The following INVS variants were observed in gnomAD, a reference collection of about 807,000 sequenced individuals.
INVS encodes the protein inversion of embryo turning homolog.
INVS carries 86 observed loss-of-function variants against 108.8 expected under a neutral mutation model. That is an observed-to-expected ratio of 0.79 (90% CI 0.66 to 0.95). INVS has a LOEUF of 0.95. INVS is among the 40% of genes least tolerant of loss of function. INVS has a pLI of 0.00. For missense variants in INVS, 1,169 were observed against 1,297.4 expected (o/e 0.90, Z 1.52); for synonymous variants, 455 against 473.5 (o/e 0.96, Z 0.51).
intron 3 of INVS, among the ~76,000 whole-genome samples, chr9:100,197,894 G>T (rs1367380240): frequency 6.6e-6 from 1 of 152,202 alleles, no homozygotes; most frequent in East Asian, 1.9e-4. Flanking sequence ...GCCTGCCTTG[G>T]GGAGAAAAAG....
At chr9:100,104,476 A>G (rs931840557) in intron 1 of INVS, 22 bp from the exon 2 acceptor site, 1 of 1,328,866 alleles carries the variant, frequency 7.5e-7, no homozygotes, top group African/African-American at 1.4e-5. Context: ...GCATGCGCTC[A>G]TTGTCTGAAT....
Position 100,223,978 on chromosome 9 carries a change from GGAA to G in INVS, c.274-2074_274-2072del, listed in dbSNP as rs1483246762. ...TCTTTTGGCTTCCCTGGGCCACACT[GGAA>G]GAAGAAGAATTGTCTTCGGCCATAC... On this transcript the variant is annotated intron_variant, in intron 3 of 16. Coordinates refer to ENST00000262457, the MANE Select transcript of INVS (RefSeq NM_014425.5). Among the ~76,000 whole-genome samples, 10 of 152,196 alleles carry G rather than the reference GGAA, an allele frequency of 6.6e-5. No individual in the cohort carries two copies. The South Asian group carries it at 1.0e-3, about 16-fold the overall frequency.
At chr9:100,260,158 C>G (rs1832570936) in intron 10 of INVS, among the ~76,000 whole-genome samples, 1 of 150,524 alleles carries the variant, frequency 6.6e-6, no homozygotes, top group Non-Finnish European at 1.5e-5. Context: ...ATGTGAGCCA[C>G]CATGTCCGAC....
At chr9:100,159,409 T>A (rs548241047) in intron 3 of INVS, among the ~76,000 whole-genome samples, 24 of 152,366 alleles carry the variant, frequency 1.6e-4, no homozygotes, top group African/African-American at 4.8e-4. Flanking sequence ...CTCTACTAGC[T>A]ACATCTTTTT....
intron 11 of INVS, among the ~76,000 whole-genome samples, chr9:100,269,786 G>C (rs1832896665): frequency 6.6e-6 from 1 of 152,134 alleles, no homozygotes; most frequent in African/African-American, 2.4e-5. Context: ...CAGCATCAGT[G>C]GTGGTCATGG....
chr9:100,165,235 C>A (rs1829324717), intron 3 of INVS, among the ~76,000 whole-genome samples: 1 of 151,958 alleles, frequency 6.6e-6, no homozygotes, highest in African/African-American at 2.4e-5. Context: ...AAGCATTTAT[C>A]ATTTTTTGTT....
At chr9:100,281,510 C>A (rs1199823299) in intron 12 of INVS, among the ~76,000 whole-genome samples, 6 of 152,188 alleles carry the variant, frequency 3.9e-5, no homozygotes, top group African/African-American at 1.2e-4. Flanking sequence ...TTTAATCCCA[C>A]TCCGTTTTTT....
At chr9:100,300,166 A>C (rs1206341710) in intron 16 of INVS, among the ~76,000 whole-genome samples, 1 of 152,252 alleles carries the variant, frequency 6.6e-6, no homozygotes, top group Non-Finnish European at 1.5e-5. Context: ...ATCATTCATG[A>C]GGATCTGAAT....
intron 2 of INVS, among the ~76,000 whole-genome samples, chr9:100,122,316 C>G (rs1199742641): frequency 6.6e-6 from 1 of 152,040 alleles, no homozygotes; most frequent in Non-Finnish European, 1.5e-5. Flanking sequence ...TCTTTCTATT[C>G]TATCAGTTTT....
chr9:100,201,618 A>G (rs1409112141), intron 3 of INVS, among the ~76,000 whole-genome samples: 1 of 152,202 alleles, frequency 6.6e-6, no homozygotes, highest in Non-Finnish European at 1.5e-5. Context: ...CTTGCTAATT[A>G]TAGACATAAA....
At chr9:100,125,357 C>T (rs1458785737) in intron 2 of INVS, among the ~76,000 whole-genome samples, 1 of 152,146 alleles carries the variant, frequency 6.6e-6, no homozygotes, top group East Asian at 1.9e-4. Context: ...AGCAGAGTTA[C>T]CTGCCTCCCA....
At chr9:100,146,772 T>C (rs900866387) in intron 3 of INVS, among the ~76,000 whole-genome samples, 1 of 152,230 alleles carries the variant, frequency 6.6e-6, no homozygotes, top group African/African-American at 2.4e-5. Flanking sequence ...AGCTTCTAGT[T>C]GACAATATAT....
chr9:100,158,943 C>T (rs954035601), intron 3 of INVS, among the ~76,000 whole-genome samples: 1 of 152,168 alleles, frequency 6.6e-6, no homozygotes, highest in African/African-American at 2.4e-5. Context: ...CTCCCTCTCT[C>T]TCTCTTGCCT....
chr9:100,100,945 T>TA (rs1826938301), intron 1 of INVS, among the ~76,000 whole-genome samples: 1 of 38,386 alleles, frequency 2.6e-5, no homozygotes, highest in African/African-American at 1.2e-4. Context: ...ATAATATATA[T>TA]ACATATATAT....
In INVS at chr9:100,253,037, A is replaced by C. The variant is rs778636774; in HGVS notation, c.1365A>C (p.Ala455=). The change falls in exon 10 of 17, where the codon GCA becomes GCC. Residue 455 remains alanine, a synonymous_variant. Transcript: ENST00000262457. ...NKINPNVQDY[A]GRTPLQCAAY... ...TCAATCCAAATGTCCAGGATTATGCAGGAAGAACCCCTTTGCAGTGTGCAG... is the reference window on the plus strand; with the variant it reads ...TCAATCCAAATGTCCAGGATTATGCCGGAAGAACCCCTTTGCAGTGTGCAG... The C allele has an allele frequency of 6.2e-7, 1 of 1,614,084 alleles. No homozygotes were observed. The highest frequency in any genetic ancestry group is 8.5e-7 in the Non-Finnish European group (1 of 1,179,918).
At chr9:100,271,087 G>A (rs1011176414) in intron 11 of INVS, among the ~76,000 whole-genome samples, 1 of 152,150 alleles carries the variant, frequency 6.6e-6, no homozygotes, top group African/African-American at 2.4e-5. Context: ...TTAAAAGGAT[G>A]TTCACTGAAG....
chr9:100,242,888 TACAATATC>T (rs1831925405), intron 7 of INVS, among the ~76,000 whole-genome samples: 1 of 152,182 alleles, frequency 6.6e-6, no homozygotes, highest in Non-Finnish European at 1.5e-5. Flanking sequence ...TAACATCCAA[TACAATATC>T]ATAAACAGGA....
intron 3 of INVS, among the ~76,000 whole-genome samples, chr9:100,218,965 ACAAAG>A (rs746101947): frequency 8.5e-5 from 13 of 152,232 alleles, no homozygotes; most frequent in Non-Finnish European, 1.3e-4. Flanking sequence ...AAAAAGGAAA[ACAAAG>A]CAAACAAATG....
intron 12 of INVS, among the ~76,000 whole-genome samples, chr9:100,279,266 G>T (rs143074851): frequency 9.9e-5 from 15 of 152,246 alleles, no homozygotes; most frequent in African/African-American, 3.4e-4. Context: ...GCACACAAAG[G>T]TTAGCCTGCC....
Sources: gnomAD v4.1 joint callset for allele counts (sites outside exome capture counted in the v4.1 genomes callset) on GRCh38, gnomAD v4.1.1 for gene constraint, MANE v1.5 for transcripts, NCBI Gene and HGNC (gene_info 2026-07-23, HGNC 2026-07-21) for gene names.